The following EML4 variants were observed in gnomAD, a reference collection of about 807,000 sequenced individuals.
EML4 encodes EMAP like 4.
EML4 carries 72 observed loss-of-function variants against 129.0 expected under a neutral mutation model. The ratio of observed to expected loss-of-function variants is 0.56; its 90% CI spans 0.46 to 0.68. The LOEUF is 0.68. Ranked by LOEUF, EML4 falls within the 30% of genes least tolerant of loss-of-function variation. The pLI, the probability that EML4 is intolerant of heterozygous loss-of-function variation, is 0.00. For synonymous variants in EML4, 532 were observed against 405.0 expected (o/e 1.31, Z -3.77); for missense variants, 1,363 against 1,190.6 (o/e 1.14, Z -2.13).
At chr2:42,246,494 C>G (rs887503148) in intron 2 of EML4, among the ~76,000 whole-genome samples, 3 of 152,104 alleles carry the variant, frequency 2.0e-5, no homozygotes, top group Non-Finnish European at 2.9e-5. Context: ...TTATATAACT[C>G]CCAAATTCTA....
chr2:42,268,407 C>G (rs1054086537), intron 6 of EML4, among the ~76,000 whole-genome samples: 1 of 152,054 alleles, frequency 6.6e-6, no homozygotes, highest in Non-Finnish European at 1.5e-5. Context: ...CCCATGGAAA[C>G]CAAGGGACCA....
At chr2:42,189,939 GA>G (rs1198494892) in intron 1 of EML4, among the ~76,000 whole-genome samples, 1 of 150,464 alleles carries the variant, frequency 6.6e-6, no homozygotes, top group East Asian at 1.9e-4. Context: ...GACATATTAC[GA>G]AGTCAAAATT....
chr2:42,221,985 C>T (rs529865393), intron 1 of EML4, among the ~76,000 whole-genome samples: 55 of 152,092 alleles, frequency 3.6e-4, no homozygotes, highest in Middle Eastern at 6.8e-3. Context: ...ATTTGCCTGC[C>T]TGGTCCCAAC....
At chr2:42,257,272 T>G (rs1265101739) in intron 3 of EML4, among the ~76,000 whole-genome samples, 1 of 152,306 alleles carries the variant, frequency 6.6e-6, no homozygotes, top group Non-Finnish European at 1.5e-5. Flanking sequence ...TTTCCCCCTT[T>G]TGTAATTTCT....
Position 42,328,866 on chromosome 2 carries a change from C to T in EML4, c.2342-20C>T. The T allele has an allele frequency of 6.4e-7, 1 of 1,570,454 alleles. No individual in the cohort carries two copies. Among genetic ancestry groups the T allele is most frequent in the Non-Finnish European group, 8.7e-7 (1 of 1,156,028 alleles). ...TTTCTTCAGCTAATTTTTCTGCATC[C>T]CTGTGTTTCCATATCAAAGGTGTCT... On this transcript the variant is annotated intron_variant, in intron 21 of 22. Coordinates refer to ENST00000318522, the MANE Select transcript of EML4 (RefSeq NM_019063.5).
Position 42,295,191 on chromosome 2 carries a change from G to C in EML4, c.1285G>C (p.Gly429Arg). 1 of 1,613,014 alleles carries C rather than the reference G, an allele frequency of 6.2e-7. No individual in the cohort carries two copies. Among genetic ancestry groups the C allele is most frequent in the Non-Finnish European group, 8.5e-7 (1 of 1,179,598 alleles). The stretch of plus-strand genomic sequence containing the variant: ...AGATGCAAATACCATAATTACATGC[G>C]GTAAATCTCATATTTTCTTCTGGAC... ...PTDANTIITC[G>R]KSHIFFWTWS... Residue 429 changes from glycine to arginine, a missense_variant, in exon 12 of 23, where the codon GGT (glycine) becomes CGT (arginine). Physicochemically the swap from Gly to Arg is moderately radical, Grantham distance 125. Coordinates refer to ENST00000318522, the MANE Select transcript of EML4 (RefSeq NM_019063.5).
rs1024995122 is a variant in EML4 at position 42,329,022 on chromosome 2, C to G, written c.2472+6C>G. The G allele has an allele frequency of 1.2e-6, 2 of 1,609,240 alleles. No individual in the cohort carries two copies. Among genetic ancestry groups the G allele is most frequent in the South Asian group, 1.1e-5 (1 of 90,538 alleles). On this transcript the variant is annotated splice_donor_region_variant and intron_variant, in intron 22 of 22. Coordinates refer to ENST00000318522, the MANE Select transcript of EML4 (RefSeq NM_019063.5). ...ATCCCTGCTCCAAAGCAAAGGTAAA[C>G]TCACTTTAATAGAAACTAATGTTAT...
At chr2:42,273,510 T>C (rs968674295) in intron 6 of EML4, among the ~76,000 whole-genome samples, 27 of 152,156 alleles carry the variant, frequency 1.8e-4, no homozygotes, top group African/African-American at 6.3e-4. Context: ...GTATAAGAGT[T>C]GATTAACAGG....
intron 1 of EML4, among the ~76,000 whole-genome samples, chr2:42,206,707 A>C (rs991084693): frequency 1.3e-5 from 2 of 152,136 alleles, no homozygotes; most frequent in African/African-American, 2.4e-5. Context: ...TAGGATATGC[A>C]TTTTTGGCAC....
At chr2:42,315,855 G>T in intron 17 of EML4, 107 bp from the exon 18 acceptor site, 2 of 769,160 alleles carry the variant, frequency 2.6e-6, no homozygotes, top group South Asian at 3.5e-5. Flanking sequence ...GCACACCAGC[G>T]TTATGACAAA....
chr2:42,308,369 G>A lies in EML4; in HGVS notation c.1967+3818G>A, dbSNP rs568116698. Among the ~76,000 whole-genome samples the A allele has an allele frequency of 1.6e-4, 25 of 152,126 alleles. 1 individual carries two copies. The East Asian group carries it at 3.1e-3, about 19-fold the overall frequency. Reference sequence around the variant, plus strand: ...AGAAAAATTTTAAAATTAGCCAGGCGTGGTGGTGTGTGCACCTGTAGTCCC... The same window carrying A: ...AGAAAAATTTTAAAATTAGCCAGGCATGGTGGTGTGTGCACCTGTAGTCCC... On this transcript the variant is annotated intron_variant, in intron 17 of 22. Transcript: ENST00000318522.
In EML4 at chr2:42,295,231, C is replaced by A; in HGVS notation, c.1325C>A (p.Ser442Ter). The change falls in exon 12 of 23, where the codon TCA becomes TAA. Residue 442 changes from serine (S) to a stop codon, truncating the protein, a stop_gained. Coordinates refer to ENST00000318522, the MANE Select transcript of EML4 (RefSeq NM_019063.5). LOFTEE classifies it high-confidence loss of function. Reference protein sequence around the residue: ...HIFFWTWSGNSLTRKQGIFGK... With the variant: ...HIFFWTWSGN ...TTCTTCTGGACCTGGAGCGGCAATT[C>A]ACTAACAAGAAAACAGGGAATTTTT... The A allele has an allele frequency of 1.2e-6, 2 of 1,613,640 alleles. No homozygotes were observed. The highest frequency in any genetic ancestry group is 1.7e-6 in the Non-Finnish European group (2 of 1,179,892).
intron 6 of EML4, chr2:42,265,034 C>A: frequency 7.9e-7 from 1 of 1,259,942 alleles, no homozygotes; most frequent in Non-Finnish European, 1.1e-6. Flanking sequence ...ATTTATGCTG[C>A]CTGACTTTCT....
chr2:42,252,504 T>C (rs9808509), intron 2 of EML4, among the ~76,000 whole-genome samples: 15,308 of 152,272 alleles, frequency 0.1, 960 homozygotes, highest in East Asian at 0.18. Flanking sequence ...TGAACTCTGC[T>C]TTTCAGCTTA....
At chr2:42,210,533 G>C (rs1672829107) in intron 1 of EML4, among the ~76,000 whole-genome samples, 1 of 152,206 alleles carries the variant, frequency 6.6e-6, no homozygotes, top group Admixed American at 6.5e-5. Context: ...TTGGAAGGAA[G>C]TCACTATGCA....
intron 1 of EML4, among the ~76,000 whole-genome samples, chr2:42,230,715 T>C (rs896143059): frequency 6.6e-6 from 1 of 152,226 alleles, no homozygotes; most frequent in Non-Finnish European, 1.5e-5. Flanking sequence ...CAGCTCAAGC[T>C]CTTTAACCAG....
At chr2:42,315,615 C>T (rs931413066) in intron 17 of EML4, among the ~76,000 whole-genome samples, 7 of 152,096 alleles carry the variant, frequency 4.6e-5, no homozygotes, top group African/African-American at 1.4e-4. Context: ...GGCACATGCC[C>T]GTAATCTCAT....
intron 1 of EML4, among the ~76,000 whole-genome samples, chr2:42,214,910 C>A (rs975752306): frequency 6.6e-6 from 1 of 152,112 alleles, no homozygotes; most frequent in African/African-American, 2.4e-5. Flanking sequence ...GGAAGTTACA[C>A]AACTTTTGTT....
Position 42,255,788 on chromosome 2 carries a change from A to G in EML4, c.209-713A>G, listed in dbSNP as rs181411986. 6.0e-4 allele frequency among the ~76,000 whole-genome samples: 91 copies of G among 152,340 alleles called. 1 individual carries two copies. Among genetic ancestry groups the G allele is most frequent in the African/African-American group, 2.1e-3 (89 of 41,562 alleles). On this transcript the variant is annotated intron_variant, in intron 2 of 22. Coordinates refer to ENST00000318522, the MANE Select transcript of EML4 (RefSeq NM_019063.5). The stretch of plus-strand genomic sequence containing the variant: ...GTGATTATGACACAAATGACCTCCA[A>G]CATCTTATTCTTGACAAAAATGCAG...
Sources: gnomAD v4.1 joint callset for allele counts (sites outside exome capture counted in the v4.1 genomes callset) on GRCh38, gnomAD v4.1.1 for gene constraint, MANE v1.5 for transcripts, NCBI Gene and HGNC (gene_info 2026-07-23, HGNC 2026-07-21) for gene names.